Variants in ANK3 observed in about 807,000 individuals in gnomAD.
ANK3 encodes ankyrin 3.
ANK3 carries 57 observed loss-of-function variants against 370.9 expected under a neutral mutation model. The observed-to-expected ratio is 0.15, with a 90% CI of 0.12 to 0.19. The LOEUF is 0.19. Ranked by LOEUF, ANK3 falls within the 10% of genes least tolerant of loss-of-function variation. ANK3 has a pLI of 1.00. For synonymous variants in ANK3, 1,929 were observed against 1,946.3 expected (o/e 0.99, Z 0.23); for missense variants, 4,439 against 5,302.1 (o/e 0.84, Z 5.06).
chr10:60,321,322 A>T (rs910750112), intron 1 of ANK3, among the ~76,000 whole-genome samples: 1 of 152,008 alleles, frequency 6.6e-6, no homozygotes. Flanking sequence ...TGGCCGCTCA[A>T]GGCTACACAG....
intron 2 of ANK3, among the ~76,000 whole-genome samples, chr10:60,465,833 G>A (rs2065000511): frequency 6.9e-6 from 1 of 144,196 alleles, no homozygotes; most frequent in Admixed American, 7.0e-5. Context: ...AGGATGAAGA[G>A]TTAGGGTATT....
intron 2 of ANK3, among the ~76,000 whole-genome samples, chr10:60,593,251 G>A (rs1220998034): frequency 1.3e-5 from 2 of 152,200 alleles, no homozygotes; most frequent in Non-Finnish European, 2.9e-5. Context: ...CCATATCCAA[G>A]GAACTGATGA....
At chr10:60,084,954 C>A in intron 31 of ANK3, 124 bp from the exon 32 acceptor site, 1 of 779,180 alleles carries the variant, frequency 1.3e-6, no homozygotes, top group South Asian at 2.1e-5. Context: ...TTAACTTGTT[C>A]ATTTAAACAG....
At chr10:60,275,162 T>C (rs2098069476) in intron 4 of ANK3, among the ~76,000 whole-genome samples, 1 of 152,192 alleles carries the variant, frequency 6.6e-6, no homozygotes, top group Non-Finnish European at 1.5e-5. Context: ...GGTGCCCAAT[T>C]TGCATTTTCT....
At chr10:60,408,834 C>T (rs930694201) in intron 2 of ANK3, among the ~76,000 whole-genome samples, 2 of 152,148 alleles carry the variant, frequency 1.3e-5, no homozygotes, top group African/African-American at 2.4e-5. Flanking sequence ...TTCTTCCCCC[C>T]TCCCAAACCC....
intron 8 of ANK3, among the ~76,000 whole-genome samples, chr10:60,217,022 A>AT (rs1034351303): frequency 6.6e-6 from 1 of 151,826 alleles, no homozygotes; most frequent in South Asian, 2.1e-4. Flanking sequence ...GAATTTAACC[A>AT]TTTTTTCTAG....
intron 26 of ANK3, among the ~76,000 whole-genome samples, chr10:60,112,105 CATACTCAA>C (rs2092756545): frequency 6.6e-6 from 1 of 152,150 alleles, no homozygotes; most frequent in African/African-American, 2.4e-5. Flanking sequence ...AGATAACTTG[CATACTCAA>C]ATACTTCATT....
chr10:60,682,530 C>T (rs1219465684), intron 1 of ANK3, among the ~76,000 whole-genome samples: 1 of 152,110 alleles, frequency 6.6e-6, no homozygotes, highest in African/African-American at 2.4e-5. Context: ...CAGGCACAGG[C>T]CTCTTACCTT....
chr10:60,220,799 C>T (rs531707503), intron 8 of ANK3, among the ~76,000 whole-genome samples: 1 of 152,198 alleles, frequency 6.6e-6, no homozygotes, highest in Non-Finnish European at 1.5e-5. Flanking sequence ...CTAAGGGCTA[C>T]ATCACGGGCC....
At chr10:60,314,334 T>C (rs1457876081) in intron 1 of ANK3, among the ~76,000 whole-genome samples, 1 of 152,214 alleles carries the variant, frequency 6.6e-6, no homozygotes, top group Non-Finnish European at 1.5e-5. Context: ...AAAAAGTCAT[T>C]GTTATTCATT....
At chr10:60,115,366 C>T (rs2093012084) in intron 25 of ANK3, among the ~76,000 whole-genome samples, 1 of 152,168 alleles carries the variant, frequency 6.6e-6, no homozygotes, top group African/African-American at 2.4e-5. Flanking sequence ...GAATATATCA[C>T]CATCGGGTGT....
intron 1 of ANK3, among the ~76,000 whole-genome samples, chr10:60,688,950 A>G (rs1168495588): frequency 7.5e-6 from 1 of 133,338 alleles, no homozygotes; most frequent in African/African-American, 2.5e-5. Context: ...TCCGTTTCAA[A>G]AAAAAGAAAA....
intron 1 of ANK3, among the ~76,000 whole-genome samples, chr10:60,368,777 C>T (rs1241823042): frequency 6.6e-6 from 1 of 152,158 alleles, no homozygotes; most frequent in Non-Finnish European, 1.5e-5. Context: ...CATTCACGTA[C>T]TTCTGAATAA....
intron 1 of ANK3, among the ~76,000 whole-genome samples, chr10:60,725,833 C>T (rs939082432): frequency 2.0e-5 from 3 of 152,070 alleles, no homozygotes; most frequent in Non-Finnish European, 2.9e-5. Flanking sequence ...AGTGAATGAG[C>T]CTAAAGCTTG....
rs954421829 is a variant in ANK3 at position 60,080,767 on chromosome 10, C to A, written c.4351-149G>T. The A allele has an allele frequency of 9.7e-6, 7 of 722,664 alleles. No individual in the cohort carries two copies. The African/African-American group carries it at 1.3e-4, about 13-fold the overall frequency. The allele number at this position is 722,664 out of a possible 1,614,324, so 44.8% of individuals were successfully genotyped here. A position where few individuals can be genotyped will look rare whatever the true frequency, so the allele number is the denominator to read the frequency against. On this transcript the variant is annotated intron_variant, in intron 35 of 43. Transcript: ENST00000280772. ...TTCCCACTGGGATTTTGTAACCCCA[C>A]CCCCCATGTCTTAACCAAAATCATC...
intron 1 of ANK3, among the ~76,000 whole-genome samples, chr10:60,374,842 A>G (rs1276914933): frequency 6.6e-6 from 1 of 152,200 alleles, no homozygotes; most frequent in African/African-American, 2.4e-5. Context: ...TATGCTATAG[A>G]TCCTTTGAAA....
At chr10:60,268,253 C>T (rs2097910998) in intron 5 of ANK3, among the ~76,000 whole-genome samples, 3 of 152,162 alleles carry the variant, frequency 2.0e-5, no homozygotes. Flanking sequence ...AGTACATTCT[C>T]ATGATAAAAA....
rs755976109 is a variant in ANK3 at position 60,072,858 on chromosome 10, T to C, written c.8023A>G (p.Lys2675Glu). The C allele has an allele frequency of 1.2e-6, 2 of 1,614,068 alleles. No homozygotes were observed. Among genetic ancestry groups the C allele is most frequent in the South Asian group, 1.1e-5 (1 of 91,068 alleles). ...TCAGTCTGTTGGGAGAGAACCATCT[T>C]CTCTGGGCTGCTGGGCAGACTGGGT... Reference protein sequence around the residue: ...KAPSLPSSPEKMVLSQQTEDS... With the variant: ...KAPSLPSSPEEMVLSQQTEDS... The change falls in exon 37 of 44, where the codon AAG (lysine) becomes GAG (glutamate). Residue 2675 changes from lysine to glutamate, a missense_variant. Coordinates refer to ENST00000280772, the MANE Select transcript of ANK3 (RefSeq NM_020987.5).
intron 7 of ANK3, among the ~76,000 whole-genome samples, chr10:60,243,121 G>A (rs936787926): frequency 4.6e-5 from 7 of 152,112 alleles, no homozygotes; most frequent in Non-Finnish European, 1.0e-4. Context: ...GATTGCTTAG[G>A]TTCAAATTCC....
Sources: allele counts gnomAD v4.1 joint callset (sites outside exome capture counted in the v4.1 genomes callset), GRCh38; gene constraint gnomAD v4.1.1; transcripts MANE v1.5; gene names NCBI Gene and HGNC (gene_info 2026-07-23, HGNC 2026-07-21).